NIPAL2: variants seen among roughly 807,000 people sequenced by gnomAD.
NIPAL2 encodes the protein NIPA-like protein 2.
In NIPAL2, 43 loss-of-function variants were observed where a neutral mutation model predicts 48.9. That is an observed-to-expected ratio of 0.88 (90% CI 0.69 to 1.13). The LOEUF (loss-of-function observed/expected upper bound fraction) is 1.13. NIPAL2 is among the 50% of genes most tolerant of loss of function. The probability of loss-of-function intolerance (pLI) is 0.00; values close to 1 mark genes in which losing one functional copy is unlikely to be tolerated. For missense variants in NIPAL2, 446 were observed against 461.4 expected, an observed-to-expected ratio of 0.97 and a Z score of 0.31; for synonymous variants, 167 against 174.6, an observed-to-expected ratio of 0.96 and a Z score of 0.34.
chr8:98,249,190 C>A (rs750887835), intron 3 of NIPAL2, among the ~76,000 whole-genome samples: 3 of 152,126 alleles, frequency 2.0e-5, no homozygotes, highest in Non-Finnish European at 2.9e-5. Flanking sequence ...ACTAATGAAA[C>A]CTGTGTCGCC....
intron 9 of NIPAL2, 167 bp downstream of exon 9, chr8:98,195,775 G>A (rs1810513488): frequency 1.9e-6 from 1 of 522,312 alleles, no homozygotes; most frequent in South Asian, 2.0e-5. Flanking sequence ...CAAAGACGCT[G>A]AGCCCTGTTT....
rs190211385 is a variant in NIPAL2 at position 98,204,671 on chromosome 8, G to A, written c.791+440C>T. On this transcript the variant is annotated intron_variant, in intron 7 of 10. Coordinates refer to ENST00000430223, the MANE Select transcript of NIPAL2 (RefSeq NM_001321635.2). The stretch of plus-strand genomic sequence containing the variant: ...ATTTTGGGGAAAGGATTTCCCTCCC[G>A]GCCAAATGTCTGGTTTCGTCCTTCT... Among the ~76,000 whole-genome samples the A allele has an allele frequency of 1.2e-3, 185 of 152,034 alleles. 1 individual carries two copies. Among genetic ancestry groups the A allele is most frequent in the African/African-American group, 4.1e-3 (168 of 41,476 alleles).
At chr8:98,218,367 C>T (rs76490117) in intron 5 of NIPAL2, among the ~76,000 whole-genome samples, 36 of 152,202 alleles carry the variant, frequency 2.4e-4, no homozygotes, top group African/African-American at 5.5e-4. Flanking sequence ...GTGCTTATCA[C>T]GGACTGATGA....
chr8:98,252,299 G>T, intron 3 of NIPAL2, 164 bp downstream of exon 3: 1 of 660,682 alleles, frequency 1.5e-6, no homozygotes, highest in Non-Finnish European at 2.4e-6. Context: ...GTGACAGCAT[G>T]ACAATGGATC....
chr8:98,257,056 G>A (rs181173488), intron 1 of NIPAL2, among the ~76,000 whole-genome samples: 1 of 152,116 alleles, frequency 6.6e-6, no homozygotes, highest in Non-Finnish European at 1.5e-5. Context: ...CAACTGACTG[G>A]TGGACCCTCC....
chr8:98,247,120 C>G lies in NIPAL2; in HGVS notation c.376+5343G>C, dbSNP rs145165748. On this transcript the variant is annotated intron_variant, in intron 3 of 10. Transcript: ENST00000430223. ...AGGCTTATAGACCTATGAGTGTTCACAAGCATGAATATTCATGAGTCTCTT... is the reference window on the plus strand; with the variant it reads ...AGGCTTATAGACCTATGAGTGTTCAGAAGCATGAATATTCATGAGTCTCTT... Among the ~76,000 whole-genome samples, 271 of 152,328 alleles carry G rather than the reference C, an allele frequency of 1.8e-3. 1 individual carries two copies. Among genetic ancestry groups the G allele is most frequent in the African/African-American group, 6.0e-3 (250 of 41,574 alleles).
chr8:98,236,274 C>T (rs190590775), intron 3 of NIPAL2, 60 bp from the exon 4 acceptor site: 2 of 1,191,534 alleles, frequency 1.7e-6, no homozygotes, highest in African/African-American at 1.6e-5. Flanking sequence ...TACGCAATGC[C>T]ATTTGAAAGA....
intron 3 of NIPAL2, among the ~76,000 whole-genome samples, chr8:98,238,092 C>A (rs996245270): frequency 6.6e-6 from 1 of 152,180 alleles, no homozygotes; most frequent in Admixed American, 6.5e-5. Context: ...GTCGAGCCAT[C>A]GTCTGCTACT....
intron 1 of NIPAL2, among the ~76,000 whole-genome samples, chr8:98,265,616 A>G: frequency 7.3e-6 from 1 of 137,252 alleles, no homozygotes; most frequent in Admixed American, 7.5e-5. Flanking sequence ...GGCAATCATT[A>G]AAAAGTCAGG....
chr8:98,265,126 C>T (rs1253754233), intron 1 of NIPAL2, among the ~76,000 whole-genome samples: 37 of 120,986 alleles, frequency 3.1e-4, no homozygotes, highest in South Asian at 6.0e-4. Context: ...ATACAAAAAT[C>T]AATTCAAGAT....
At chr8:98,240,566 C>T (rs1408535258) in intron 3 of NIPAL2, among the ~76,000 whole-genome samples, 3 of 152,122 alleles carry the variant, frequency 2.0e-5, no homozygotes, top group Admixed American at 2.0e-4. Flanking sequence ...GTCCAAGAAT[C>T]ATCTTATCTT....
intron 1 of NIPAL2, among the ~76,000 whole-genome samples, chr8:98,268,108 A>G (rs896615562): frequency 6.6e-6 from 1 of 152,258 alleles, no homozygotes; most frequent in African/African-American, 2.4e-5. Context: ...ACAAGTGGGC[A>G]GAGATAATTG....
chr8:98,220,408 A>AT (rs71273110), intron 5 of NIPAL2, among the ~76,000 whole-genome samples: 21,963 of 140,722 alleles, frequency 0.16, 1,822 homozygotes, highest in Middle Eastern at 0.18. Flanking sequence ...GTGTGCTTTG[A>AT]TTTTTTTTTT....
chr8:98,252,598 G>T lies in NIPAL2; in HGVS notation c.241C>A (p.Pro81Thr). The change falls in exon 3 of 11, where the codon CCA becomes ACA. Residue 81 changes from proline to threonine, a missense_variant. Pro to Thr is a conservative substitution (Grantham distance 38). Coordinates refer to ENST00000430223, the MANE Select transcript of NIPAL2 (RefSeq NM_001321635.2). ...SHLQLAQQEH[P>T]RPYFKSVLWW... The stretch of plus-strand genomic sequence containing the variant: ...AGCACACTCTTGAAGTATGGCCTTG[G>T]GTGCTCTTGTTGTGCCAGCTGAAGG... 6.2e-7 allele frequency: 1 copy of T among 1,613,050 alleles called. No homozygotes were observed. The highest frequency in any genetic ancestry group is 8.5e-7 in the Non-Finnish European group (1 of 1,179,786).
At chr8:98,219,762 C>T (rs1190715811) in intron 5 of NIPAL2, among the ~76,000 whole-genome samples, 1 of 152,174 alleles carries the variant, frequency 6.6e-6, no homozygotes, top group African/African-American at 2.4e-5. Flanking sequence ...ATCATCAACA[C>T]TGTGTGTACA....
rs1815600930 is a variant in NIPAL2, at chr8:98,278,290, GT to G, written c.135+15712del. 1.3e-5 allele frequency among the ~76,000 whole-genome samples: 2 copies of G among 152,004 alleles called. 1 individual carries two copies. Among genetic ancestry groups the G allele is most frequent in the South Asian group, 4.2e-4 (2 of 4,818 alleles). ...TACAGTTTCTGTATATGTGATTTAGGTTTTGTTTGGGACTCATGCTTCCTCA... is the reference window on the plus strand; with the variant it reads ...TACAGTTTCTGTATATGTGATTTAGGTTTGTTTGGGACTCATGCTTCCTCA... On this transcript the variant is annotated intron_variant, in intron 1 of 10. Coordinates refer to ENST00000430223, the MANE Select transcript of NIPAL2 (RefSeq NM_001321635.2).
chr8:98,218,954 C>T (rs1283885818), intron 5 of NIPAL2, among the ~76,000 whole-genome samples: 1 of 152,086 alleles, frequency 6.6e-6, no homozygotes, highest in African/African-American at 2.4e-5. Context: ...TGACACAGTC[C>T]AAACAAGAGA....
At position 98,294,208 on chromosome 8, in the gene NIPAL2, G is replaced by A; in HGVS notation, c.-71C>T. 8.2e-7 allele frequency: 1 copy of A among 1,217,636 alleles called. No individual in the cohort carries two copies. Among genetic ancestry groups the A allele is most frequent in the Non-Finnish European group, 1.0e-6 (1 of 978,342 alleles). The allele number at this position is 1,217,636 out of a possible 1,614,324, so 75.4% of individuals were successfully genotyped here. The stretch of plus-strand genomic sequence containing the variant: ...CCTCCCCGCCCTGTTGCACCGCGAG[G>A]AGGCCGCGCCGCAGCCACTTCCTGC... On this transcript the variant is annotated 5_prime_UTR_variant, in exon 1 of 11. Coordinates refer to ENST00000430223, the MANE Select transcript of NIPAL2 (RefSeq NM_001321635.2).
At chr8:98,200,362 A>C (rs919997721) in intron 8 of NIPAL2, among the ~76,000 whole-genome samples, 2 of 152,184 alleles carry the variant, frequency 1.3e-5, no homozygotes, top group African/African-American at 4.8e-5. Context: ...TAGATATCGC[A>C]TATAAGTGGA....
Sources: gnomAD v4.1 joint callset for allele counts (sites outside exome capture counted in the v4.1 genomes callset) on GRCh38, gnomAD v4.1.1 for gene constraint, MANE v1.5 for transcripts, NCBI Gene and HGNC (gene_info 2026-07-23, HGNC 2026-07-21) for gene names.